Variants in TRPV6 observed in about 807,000 individuals in gnomAD.
The protein encoded by TRPV6 is Alu-binding protein with zinc finger domain.
In TRPV6, 39 loss-of-function variants were observed where a neutral mutation model predicts 79.0. The ratio of observed to expected loss-of-function variants is 0.49; its 90% CI spans 0.38 to 0.64. The LOEUF is 0.64. Among genes scored for constraint, TRPV6 ranks in the 30% least tolerant of loss-of-function variants. The pLI, the probability that TRPV6 is intolerant of heterozygous loss-of-function variation, is 0.00. For missense variants in TRPV6, 813 were observed against 1,011.1 expected, an observed-to-expected ratio of 0.80 and a Z score of 2.66; for synonymous variants, 373 against 391.9, an observed-to-expected ratio of 0.95 and a Z score of 0.57.
chr7:142,879,534 G>A (rs139983376), intron 1 of TRPV6: 2 of 152,238 alleles, frequency 1.3e-5, no homozygotes, highest in East Asian at 3.9e-4. Flanking sequence ...ATAGACAGGA[G>A]CTCACATTCT....
Position 142,877,951 on chromosome 7 carries a change from C to G in TRPV6, c.324G>C (p.Glu108Asp). The change falls in exon 2 of 15, where the codon GAG becomes GAC. Residue 108 changes from glutamate (E) to aspartate (D), a missense_variant. Transcript: ENST00000359396. ...TACCTCTCTGGTGCACCTTGCAATC[C>G]TCATACTTGAGCAACTTGTTCAGGG... The G allele has an allele frequency of 6.2e-7, 1 of 1,614,194 alleles. No homozygotes were observed. The highest frequency in any genetic ancestry group is 8.5e-7 in the Non-Finnish European group (1 of 1,180,046).
intron 1 of TRPV6, 77 bp from the exon 2 acceptor site, chr7:142,878,103 CATT>C: frequency 1.7e-6 from 2 of 1,187,202 alleles, no homozygotes; most frequent in Non-Finnish European, 2.5e-6. Context: ...GGCTTGACTC[CATT>C]ATTATACACA....
At chr7:142,879,599 CAGAG>C (rs1331243644) in intron 1 of TRPV6, 1 of 152,196 alleles carries the variant, frequency 6.6e-6, no homozygotes, top group Non-Finnish European at 1.5e-5. Flanking sequence ...GGAGGGCAAT[CAGAG>C]AGGAGACATC....
At position 142,877,734 on chromosome 7, in the gene TRPV6, T is replaced by C. The variant is rs144890292; in HGVS notation, c.386A>G (p.Tyr129Cys). 6.8e-6 allele frequency: 11 copies of C among 1,614,036 alleles called. No individual in the cohort carries two copies. Among genetic ancestry groups the C allele is most frequent in the African/African-American group, 2.7e-5 (2 of 74,906 alleles). ...CACCATGGCGGCCTCCAGGTTGTCA[T>C]AGAGGGCTGCTATGTGTAGCGCTGT... is the stretch of plus-strand genomic sequence containing the variant. Residue 129 changes from tyrosine to cysteine, a missense_variant, in exon 3 of 15, where the codon TAT (tyrosine) becomes TGT (cysteine). Physicochemically the swap from Tyr to Cys is radical, Grantham distance 194. Transcript: ENST00000359396.
intron 8 of TRPV6, 45 bp from the exon 9 acceptor site, chr7:142,875,209 C>T (rs755346252): frequency 6.2e-7 from 1 of 1,602,832 alleles, no homozygotes; most frequent in Non-Finnish European, 8.5e-7. Flanking sequence ...GCTTTCAGGC[C>T]TCTGCCCTGC....
At chr7:142,874,867 T>A in intron 10 of TRPV6, 37 bp downstream of exon 10, 1 of 1,611,518 alleles carries the variant, frequency 6.2e-7, no homozygotes, top group East Asian at 2.2e-5. Context: ...GGAGCCCTGT[T>A]GAGGGAAGGG....
chr7:142,885,211 C>A (rs546436858), intron 1 of TRPV6, 178 bp downstream of exon 1: 2 of 627,574 alleles, frequency 3.2e-6, no homozygotes, highest in African/African-American at 1.8e-5. Flanking sequence ...CATCCTCTTT[C>A]ACCAGCCCTA....
chr7:142,875,587 T>C lies in TRPV6; in HGVS notation c.1123A>G (p.Ile375Val), dbSNP rs746602030. 4.3e-6 allele frequency: 7 copies of C among 1,613,734 alleles called. No individual in the cohort carries two copies. Among genetic ancestry groups the C allele is most frequent in the South Asian group, 3.3e-5 (3 of 91,058 alleles). ...AAGCAGATGATGTACAGCAGATATA[T>C]GGCACCCAGCATGCAGAAGTACGGC... is the stretch of plus-strand genomic sequence containing the variant. Residue 375 changes from isoleucine (I) to valine (V), a missense_variant, in exon 8 of 15, where the codon ATA (isoleucine) becomes GTA (valine). Transcript: ENST00000359396.
At chr7:142,883,529 GT>G (rs1305900019) in intron 1 of TRPV6, 1 of 152,184 alleles carries the variant, frequency 6.6e-6, no homozygotes, top group Admixed American at 6.5e-5. Flanking sequence ...TTCCATTATT[GT>G]TACCGGGATG....
In TRPV6 at chr7:142,875,000, A is replaced by C; in HGVS notation, c.1330-20T>G. ...TGGAACCTGAAGAGGTCAGGGAGAC[A>C]CAAAGGCACTCAGATACCGGAACTT... On this transcript the variant is annotated intron_variant, in intron 9 of 14. Transcript: ENST00000359396. 6.2e-7 allele frequency: 1 copy of C among 1,614,136 alleles called. No individual in the cohort carries two copies. The highest frequency in any genetic ancestry group is 8.5e-7 in the Non-Finnish European group (1 of 1,180,022).
At chr7:142,882,539 G>C (rs892509256) in intron 1 of TRPV6, 13 of 152,178 alleles carry the variant, frequency 8.5e-5, no homozygotes, top group African/African-American at 3.1e-4. Context: ...ATGAAGGAAA[G>C]AGCGGTAATG....
rs1795080091 is a variant in TRPV6 at position 142,876,683 on chromosome 7, A to G, written c.706+56T>C. 4 of 1,612,664 alleles carry G rather than the reference A, an allele frequency of 2.5e-6. No homozygotes were observed. The East Asian group carries it at 6.7e-5, about 27-fold the overall frequency. On this transcript the variant is annotated intron_variant, in intron 5 of 14. Coordinates refer to ENST00000359396, the MANE Select transcript of TRPV6 (RefSeq NM_018646.6). ...CCTGAAGGTCCCAGCCCCTCTCCTC[A>G]CCCTGTCCCTCACTCCCTGCAGCAT...
In TRPV6 at chr7:142,874,377, G is replaced by C. The variant is rs1205533050; in HGVS notation, c.1572+114C>G. Reference sequence around the variant, plus strand: ...TTAAAAAAGAAGAAAAACATGCAGTGAGGCCATGTGTGGCTTGCAGAACCT... The same window carrying C: ...TTAAAAAAGAAGAAAAACATGCAGTCAGGCCATGTGTGGCTTGCAGAACCT... On this transcript the variant is annotated intron_variant, in intron 11 of 14. Transcript: ENST00000359396. The C allele has an allele frequency of 2.2e-6, 3 of 1,362,500 alleles. No individual in the cohort carries two copies. In the African/African-American group the frequency reaches 4.3e-5, roughly 20 times the overall value. The allele number at this position is 1,362,500 out of a possible 1,614,324, so 84.4% of individuals were successfully genotyped here. A position where few individuals can be genotyped will look rare whatever the true frequency, so the allele number is the denominator to read the frequency against.
chr7:142,871,537 A>G lies in TRPV6; in HGVS notation c.*170T>C. 3 of 812,046 alleles carry G rather than the reference A, an allele frequency of 3.7e-6. No individual in the cohort carries two copies. Among genetic ancestry groups the G allele is most frequent in the Non-Finnish European group, 5.6e-6 (3 of 534,078 alleles). 50.3% of individuals were successfully genotyped at this position (812,046 alleles called of 1,614,324 possible). On this transcript the variant is annotated 3_prime_UTR_variant, in exon 15 of 15. Coordinates refer to ENST00000359396, the MANE Select transcript of TRPV6 (RefSeq NM_018646.6). Reference sequence around the variant, plus strand: ...TCCTCTGCCCCAGAGCTGAAGGAGTAATGCAGGCCTGGAGCAGTGATTCTC... The same window carrying G: ...TCCTCTGCCCCAGAGCTGAAGGAGTGATGCAGGCCTGGAGCAGTGATTCTC...
chr7:142,873,759 AGAC>A lies in TRPV6; in HGVS notation c.1640-46_1640-44del, dbSNP rs1319131181. On this transcript the variant is annotated intron_variant, in intron 12 of 14. Coordinates refer to ENST00000359396, the MANE Select transcript of TRPV6 (RefSeq NM_018646.6). This position sits in a 1 kb window ranked among gnomAD's most constrained non-coding sequence, Gnocchi z 4.8. ...GTGAGGGTTACCATGGCAACCATGC[AGAC>A]GACCAGCCCACCCCGGGCTCTGCGT... 1 of 1,607,726 alleles carries A rather than the reference AGAC, an allele frequency of 6.2e-7. No homozygotes were observed. Among genetic ancestry groups the A allele is most frequent in the East Asian group, 2.2e-5 (1 of 44,696 alleles).
At chr7:142,875,025 T>C in intron 9 of TRPV6, 45 bp from the exon 10 acceptor site, 2 of 1,614,086 alleles carry the variant, frequency 1.2e-6, no homozygotes, top group Non-Finnish European at 1.7e-6. Flanking sequence ...TACCGGAACT[T>C]GGGCTGGATT....
rs949066546 is a variant in TRPV6 at position 142,873,703 on chromosome 7, G to A, written c.1653C>T (p.Ile551=). ...GCTCCTCGGGGTCCTCTGTCTGGAA[G>A]ATGATATAGAAGGCTGCTCCACCCA... The change falls in exon 13 of 15, where the codon ATC becomes ATT. Residue 551 remains isoleucine, a synonymous_variant. Transcript: ENST00000359396. This position sits in a 1 kb window ranked among gnomAD's most constrained non-coding sequence, Gnocchi z 4.8. 6.2e-7 allele frequency: 1 copy of A among 1,614,142 alleles called. No individual in the cohort carries two copies.
chr7:142,872,117 T>C, intron 14 of TRPV6, 128 bp from the exon 15 acceptor site: 1 of 1,326,332 alleles, frequency 7.5e-7, no homozygotes, highest in East Asian at 2.4e-5. Context: ...TCTGCAGCCA[T>C]GGTGGATGCC....
intron 3 of TRPV6, 22 bp downstream of exon 3, chr7:142,877,629 C>T: frequency 6.2e-7 from 1 of 1,612,736 alleles, no homozygotes; most frequent in Non-Finnish European, 8.5e-7. Context: ...CTGCTCTTCA[C>T]CCCAGACCCG....
Sources: gnomAD v4.1 joint callset for allele counts on GRCh38, gnomAD v4.1.1 for gene constraint, Gnocchi (gnomAD v3.1) non-coding constraint, MANE v1.5 for transcripts, NCBI Gene and HGNC (gene_info 2026-07-23, HGNC 2026-07-21) for gene names.